ULK4: variants seen among roughly 807,000 people sequenced by gnomAD.
ULK4 encodes unc-51 like kinase 4, also known as inactive serine/threonine-protein kinase ULK4.
Under a neutral mutation model 160.6 loss-of-function variants are expected in ULK4, and 133 were observed. That is an observed-to-expected ratio of 0.83 (90% CI 0.72 to 0.96). The LOEUF (loss-of-function observed/expected upper bound fraction) is 0.96. Ranked by LOEUF, ULK4 falls within the 40% of genes least tolerant of loss-of-function variation. The pLI, the probability that ULK4 is intolerant of heterozygous loss-of-function variation, is 0.00. For synonymous variants in ULK4, 534 were observed against 539.8 expected, an observed-to-expected ratio of 0.99 and a Z score of 0.15; for missense variants, 1,580 against 1,499.5, an observed-to-expected ratio of 1.05 and a Z score of -0.89.
At chr3:41,831,937 T>C (rs1046506030) in intron 18 of ULK4, among the ~76,000 whole-genome samples, 30 of 152,210 alleles carry the variant, frequency 2.0e-4, no homozygotes, top group Middle Eastern at 3.2e-3. Context: ...ATTTTCTTTA[T>C]CCAGTCTATC....
Position 41,249,495 on chromosome 3 carries a change from C to G in ULK4, c.3758G>C (p.Gly1253Ala). The G allele has an allele frequency of 6.2e-7, 1 of 1,613,658 alleles. No individual in the cohort carries two copies. The highest frequency in any genetic ancestry group is 8.5e-7 in the Non-Finnish European group (1 of 1,179,810). ...LLRALERLAP[G>A]SGSFADSAVA... is the part of the protein sequence containing the mutation. ...CCTCCTGGGTCCCACTTACCCACTC[C>G]CAGGGGCCAGCCGCTCCAGAGCCCG... Residue 1253 changes from glycine to alanine, a missense_variant, in exon 36 of 37, where the codon GGG becomes GCG. Transcript: ENST00000301831.
chr3:41,476,491 G>A (rs1575277498), intron 32 of ULK4, among the ~76,000 whole-genome samples: 1 of 152,292 alleles, frequency 6.6e-6, no homozygotes. Flanking sequence ...CTTTCCAAGA[G>A]ATCAAAATGT....
intron 22 of ULK4, among the ~76,000 whole-genome samples, chr3:41,733,965 G>A (rs1037490810): frequency 6.6e-6 from 1 of 151,960 alleles, no homozygotes; most frequent in Non-Finnish European, 1.5e-5. Context: ...TCAAACTCCT[G>A]ACCTTAGGTG....
intron 33 of ULK4, among the ~76,000 whole-genome samples, chr3:41,457,169 A>C (rs1333511973): frequency 1.3e-5 from 2 of 152,124 alleles, no homozygotes; most frequent in Non-Finnish European, 2.9e-5. Context: ...TATCCCTTAG[A>C]GCAGATTGAT....
intron 32 of ULK4, among the ~76,000 whole-genome samples, chr3:41,555,833 T>C (rs2087273003): frequency 6.6e-6 from 1 of 152,156 alleles, no homozygotes; most frequent in African/African-American, 2.4e-5. Context: ...TATGCAGTCA[T>C]CAAAACAAAA....
At chr3:41,340,875 G>T (rs901329008) in intron 35 of ULK4, among the ~76,000 whole-genome samples, 1 of 152,188 alleles carries the variant, frequency 6.6e-6, no homozygotes, top group African/African-American at 2.4e-5. Context: ...GACATTCTGT[G>T]GGAATCTTAT....
intron 32 of ULK4, among the ~76,000 whole-genome samples, chr3:41,523,621 A>C (rs1323653943): frequency 6.6e-6 from 1 of 152,220 alleles, no homozygotes; most frequent in Non-Finnish European, 1.5e-5. Flanking sequence ...AATTGAAAAG[A>C]CAGATAATAA....
intron 33 of ULK4, among the ~76,000 whole-genome samples, chr3:41,456,749 T>C (rs1449971340): frequency 1.3e-5 from 2 of 152,232 alleles, no homozygotes; most frequent in Non-Finnish European, 2.9e-5. Context: ...TTTTCAATAA[T>C]GACCTTTGCC....
intron 22 of ULK4, among the ~76,000 whole-genome samples, chr3:41,751,163 TG>T (rs1449901094): frequency 6.6e-6 from 1 of 151,794 alleles, no homozygotes; most frequent in Non-Finnish European, 1.5e-5. Context: ...CCAATCAGGA[TG>T]GGTGTGGCAA....
At chr3:41,453,302 A>C (rs1256571779) in intron 34 of ULK4, among the ~76,000 whole-genome samples, 1 of 152,116 alleles carries the variant, frequency 6.6e-6, no homozygotes, top group Non-Finnish European at 1.5e-5. Flanking sequence ...CAGCCTCCCA[A>C]GTAGCTAGAA....
chr3:41,929,838 G>A (rs1270343509), intron 5 of ULK4, among the ~76,000 whole-genome samples: 6 of 151,952 alleles, frequency 3.9e-5, no homozygotes, highest in Non-Finnish European at 1.5e-5. Context: ...AAATAAGAGA[G>A]GACACAAACA....
intron 34 of ULK4, among the ~76,000 whole-genome samples, chr3:41,435,320 G>A (rs529069382): frequency 2.0e-4 from 31 of 152,194 alleles, no homozygotes; most frequent in African/African-American, 7.5e-4. Flanking sequence ...TTAAGCCCAG[G>A]GACAAACAGA....
At chr3:41,608,343 G>A (rs1473496519) in intron 31 of ULK4, among the ~76,000 whole-genome samples, 2 of 152,122 alleles carry the variant, frequency 1.3e-5, no homozygotes, top group Non-Finnish European at 2.9e-5. Flanking sequence ...GCTAATAAAT[G>A]TTTGCTGCTT....
chr3:41,380,798 A>T (rs556035224), intron 35 of ULK4, among the ~76,000 whole-genome samples: 109 of 152,178 alleles, frequency 7.2e-4, no homozygotes, highest in African/African-American at 2.4e-3. Context: ...AATCCCTTCT[A>T]TTCACTGTGC....
intron 35 of ULK4, among the ~76,000 whole-genome samples, chr3:41,349,644 T>C (rs2080871118): frequency 6.6e-6 from 1 of 152,188 alleles, no homozygotes; most frequent in Non-Finnish European, 1.5e-5. Flanking sequence ...CCTGTAGAAC[T>C]GAACTCTAGA....
intron 4 of ULK4, among the ~76,000 whole-genome samples, chr3:41,934,317 AT>A (rs1315967526): frequency 6.6e-6 from 1 of 152,238 alleles, no homozygotes; most frequent in Non-Finnish European, 1.5e-5. Flanking sequence ...ATTATACAGG[AT>A]TTTATGGAGT....
At chr3:41,653,721 T>C (rs2034832540) in intron 30 of ULK4, among the ~76,000 whole-genome samples, 1 of 152,216 alleles carries the variant, frequency 6.6e-6, no homozygotes, top group Admixed American at 6.5e-5. Context: ...CTTTAAGTTT[T>C]ACAACCCTTT....
chr3:41,256,732 G>A (rs1446967359), intron 35 of ULK4, among the ~76,000 whole-genome samples: 2 of 152,020 alleles, frequency 1.3e-5, no homozygotes, highest in Non-Finnish European at 2.9e-5. Context: ...ATTGGACTTC[G>A]TCAATGTTAA....
intron 32 of ULK4, among the ~76,000 whole-genome samples, chr3:41,498,721 G>A (rs533312107): frequency 2.9e-4 from 44 of 151,924 alleles, no homozygotes; most frequent in Non-Finnish European, 4.7e-4. Flanking sequence ...TCAGCCTCCC[G>A]AGTAGCTGGG....
Sources: allele counts gnomAD v4.1 joint callset (sites outside exome capture counted in the v4.1 genomes callset), GRCh38; gene constraint gnomAD v4.1.1; transcripts MANE v1.5; gene names NCBI Gene and HGNC (gene_info 2026-07-23, HGNC 2026-07-21).